Variants in DYRK1A observed in about 807,000 individuals in gnomAD.
DYRK1A encodes dual specificity tyrosine-phosphorylation-regulated kinase 1A.
Under a neutral mutation model 79.7 loss-of-function variants are expected in DYRK1A, and 9 were observed. The observed-to-expected ratio is 0.11, with a 90% CI of 0.07 to 0.20. The LOEUF is 0.20. DYRK1A is among the 10% of genes least tolerant of loss of function. The probability of loss-of-function intolerance (pLI) is 1.00; values close to 1 mark genes in which losing one functional copy is unlikely to be tolerated. For missense variants in DYRK1A, 622 were observed against 956.0 expected (o/e 0.65, Z 4.61); for synonymous variants, 349 against 329.7 (o/e 1.06, Z -0.63).
intron 2 of DYRK1A, among the ~76,000 whole-genome samples, chr21:37,442,182 C>T (rs146854069): frequency 2.0e-4 from 30 of 151,638 alleles, no homozygotes; most frequent in African/African-American, 6.8e-4. Context: ...AATTACGTAC[C>T]TTAGTTTAGT....
intron 4 of DYRK1A, among the ~76,000 whole-genome samples, chr21:37,479,869 C>T (rs1454153965): frequency 1.2e-4 from 18 of 151,760 alleles, no homozygotes; most frequent in African/African-American, 4.1e-4. Context: ...CCTCGTGATC[C>T]ACCCTCCTCG....
At chr21:37,497,842 A>ATAC (rs1260883416) in intron 9 of DYRK1A, among the ~76,000 whole-genome samples, 3 of 152,326 alleles carry the variant, frequency 2.0e-5, no homozygotes, top group African/African-American at 7.2e-5. Flanking sequence ...ATATCTTAAC[A>ATAC]TACATTTAAT....
intron 4 of DYRK1A, among the ~76,000 whole-genome samples, 168 bp from the exon 5 acceptor site, chr21:37,480,469 TA>T (rs1410424043): frequency 6.6e-6 from 1 of 152,264 alleles, no homozygotes; most frequent in Non-Finnish European, 1.5e-5. Context: ...CTATAAACAG[TA>T]TAACTATAAT....
chr21:37,426,392 A>T (rs2050619471), intron 2 of DYRK1A, among the ~76,000 whole-genome samples: 1 of 152,182 alleles, frequency 6.6e-6, no homozygotes, highest in Non-Finnish European at 1.5e-5. Flanking sequence ...CAATGAAAGC[A>T]TGCCAGAAAG....
intron 11 of DYRK1A, among the ~76,000 whole-genome samples, chr21:37,510,122 C>CA (rs1981129333): frequency 6.6e-6 from 1 of 152,166 alleles, no homozygotes; most frequent in Non-Finnish European, 1.5e-5. Flanking sequence ...AAGGAGGCAC[C>CA]ACTGTACATG....
intron 2 of DYRK1A, among the ~76,000 whole-genome samples, chr21:37,457,241 T>A (rs1185303590): frequency 6.6e-6 from 1 of 151,614 alleles, no homozygotes; most frequent in Non-Finnish European, 1.5e-5. Context: ...AATTTTTGTA[T>A]CCCCCCCGCA....
intron 2 of DYRK1A, among the ~76,000 whole-genome samples, chr21:37,425,141 C>A (rs1345263660): frequency 5.3e-5 from 8 of 152,046 alleles, no homozygotes; most frequent in Admixed American, 5.2e-4. Flanking sequence ...TGTTGTTTAC[C>A]AGTTTTATGT....
At position 37,515,441 on chromosome 21, in the gene DYRK1A, C is replaced by G. The variant is rs1214334058; in HGVS notation, c.*2910C>G. 1 of 152,072 alleles carries G rather than the reference C, an allele frequency of 6.6e-6. No individual in the cohort carries two copies. The highest frequency in any genetic ancestry group is 1.5e-5 in the Non-Finnish European group (1 of 68,008). The allele number at this position is 152,072 out of a possible 1,614,324, so 9.4% of individuals were successfully genotyped here. ...TTACATAATTTTGTGATTCAAAATGCTCATATTTTAGTTGGTAGCATTTCG... is the reference window on the plus strand; with the variant it reads ...TTACATAATTTTGTGATTCAAAATGGTCATATTTTAGTTGGTAGCATTTCG... On this transcript the variant is annotated 3_prime_UTR_variant, in exon 12 of 12. Transcript: ENST00000647188.
intron 5 of DYRK1A, among the ~76,000 whole-genome samples, chr21:37,482,746 C>G (rs1461304471): frequency 6.6e-6 from 1 of 152,088 alleles, no homozygotes; most frequent in African/African-American, 2.4e-5. Flanking sequence ...CCTACAGTCT[C>G]GACCATAGAA....
At chr21:37,484,085 C>T (rs1018941695) in intron 5 of DYRK1A, among the ~76,000 whole-genome samples, 6 of 152,154 alleles carry the variant, frequency 3.9e-5, no homozygotes, top group South Asian at 2.1e-4. Context: ...TCAGCAGCAG[C>T]GTTAGATTCT....
chr21:37,517,896 T>C lies in DYRK1A; in HGVS notation c.*5365T>C, dbSNP rs1338477596. 1 of 152,186 alleles carries C rather than the reference T, an allele frequency of 6.6e-6. No homozygotes were observed. Among genetic ancestry groups the C allele is most frequent in the Admixed American group, 6.5e-5 (1 of 15,274 alleles). The allele number at this position is 152,186 out of a possible 1,614,324, so 9.4% of individuals were successfully genotyped here. A position where few individuals can be genotyped will look rare whatever the true frequency, so the allele number is the denominator to read the frequency against. Reference sequence around the variant, plus strand: ...GAAACGGCTAAGTTTTTTTTAATGTTACTTCTTTAATTTTAGAGACGGTGT... The same window carrying C: ...GAAACGGCTAAGTTTTTTTTAATGTCACTTCTTTAATTTTAGAGACGGTGT... On this transcript the variant is annotated 3_prime_UTR_variant, in exon 12 of 12. Coordinates refer to ENST00000647188, the MANE Select transcript of DYRK1A (RefSeq NM_001347721.2).
At chr21:37,467,122 CAA>C (rs1569349099) in intron 2 of DYRK1A, among the ~76,000 whole-genome samples, 4 of 122,860 alleles carry the variant, frequency 3.3e-5, no homozygotes, top group African/African-American at 1.3e-4. Flanking sequence ...AAAAAAAAAA[CAA>C]AACAAAAAAA....
chr21:37,406,813 C>A (rs1569297421), intron 1 of DYRK1A, among the ~76,000 whole-genome samples: 1 of 145,198 alleles, frequency 6.9e-6, no homozygotes, highest in African/African-American at 2.6e-5. Context: ...TTATATATAT[C>A]TATTTATATA....
At chr21:37,437,824 A>C (rs1030647916) in intron 2 of DYRK1A, among the ~76,000 whole-genome samples, 1 of 152,138 alleles carries the variant, frequency 6.6e-6, no homozygotes, top group African/African-American at 2.4e-5. Flanking sequence ...TTGTTGTACA[A>C]CTTTTTGTAT....
At chr21:37,472,192 C>A (rs2052248930) in intron 2 of DYRK1A, among the ~76,000 whole-genome samples, 3 of 152,112 alleles carry the variant, frequency 2.0e-5, no homozygotes, top group African/African-American at 7.2e-5. Context: ...CCTTTGATTG[C>A]CTGTGTCAGT....
At chr21:37,480,923 T>C in intron 5 of DYRK1A, 97 bp downstream of exon 5, 1 of 1,004,382 alleles carries the variant, frequency 1.0e-6, no homozygotes. Context: ...ACTTTTAATA[T>C]TTGCAAATAG....
chr21:37,505,165 A>C, intron 9 of DYRK1A, 118 bp from the exon 10 acceptor site: 1 of 765,264 alleles, frequency 1.3e-6, no homozygotes, highest in South Asian at 1.9e-5. Context: ...TTAACTATGA[A>C]GTGTCCTTTT....
intron 7 of DYRK1A, among the ~76,000 whole-genome samples, chr21:37,490,795 G>A (rs910606790): frequency 1.3e-5 from 2 of 151,602 alleles, no homozygotes; most frequent in African/African-American, 2.4e-5. Context: ...TTTTGAAATG[G>A]GTATATTTAA....
At chr21:37,455,555 T>C (rs1407107076) in intron 2 of DYRK1A, among the ~76,000 whole-genome samples, 3 of 152,178 alleles carry the variant, frequency 2.0e-5, no homozygotes, top group East Asian at 3.9e-4. Context: ...CTGTCTCTTA[T>C]CTGTCGTCCG....
Sources: gnomAD v4.1 joint callset for allele counts (sites outside exome capture counted in the v4.1 genomes callset) on GRCh38, gnomAD v4.1.1 for gene constraint, MANE v1.5 for transcripts, NCBI Gene and HGNC (gene_info 2026-07-23, HGNC 2026-07-21) for gene names.